The following UBE2G1 variants were observed in gnomAD, a reference collection of about 807,000 sequenced individuals.
The protein encoded by UBE2G1 is ubiquitin-conjugating enzyme E2 G1.
In UBE2G1, 5 loss-of-function variants were observed where a neutral mutation model predicts 22.7. The ratio of observed to expected loss-of-function variants is 0.22; its 90% CI spans 0.12 to 0.46. The LOEUF is 0.46. Ranked by LOEUF, UBE2G1 falls within the 20% of genes least tolerant of loss-of-function variation. The pLI, the probability that UBE2G1 is intolerant of heterozygous loss-of-function variation, is 0.99. For synonymous variants in UBE2G1, 74 were observed against 67.5 expected (o/e 1.10, Z -0.47); for missense variants, 88 against 203.9 (o/e 0.43, Z 3.46).
At chr17:4,360,794 C>T (rs1969957595) in intron 1 of UBE2G1, among the ~76,000 whole-genome samples, 1 of 152,126 alleles carries the variant, frequency 6.6e-6, no homozygotes, top group African/African-American at 2.4e-5. Context: ...GCCTGTAATC[C>T]CAGCTACTGG....
intron 1 of UBE2G1, among the ~76,000 whole-genome samples, chr17:4,351,337 A>G (rs1969842862): frequency 6.6e-6 from 1 of 152,242 alleles, no homozygotes; most frequent in Non-Finnish European, 1.5e-5. Context: ...CTTCCCCAAT[A>G]GCCATGCCAT....
intron 1 of UBE2G1, among the ~76,000 whole-genome samples, chr17:4,314,514 A>G (rs1969345300): frequency 6.6e-6 from 1 of 152,256 alleles, no homozygotes; most frequent in Admixed American, 6.5e-5. Context: ...TTAAAAAGCA[A>G]AAGAATCAAC....
intron 1 of UBE2G1, among the ~76,000 whole-genome samples, chr17:4,350,611 T>C (rs532034399): frequency 6.6e-6 from 1 of 152,322 alleles, no homozygotes; most frequent in East Asian, 1.9e-4. Flanking sequence ...ACCCAGCAAC[T>C]TAGACGTAAT....
chr17:4,364,888 C>CT (rs1250968013), intron 1 of UBE2G1, among the ~76,000 whole-genome samples: 1 of 152,220 alleles, frequency 6.6e-6, no homozygotes, highest in Non-Finnish European at 1.5e-5. Context: ...GGCCTCAGTG[C>CT]TTTTCCAGCA....
At chr17:4,355,024 G>A (rs545007315) in intron 1 of UBE2G1, among the ~76,000 whole-genome samples, 1 of 152,108 alleles carries the variant, frequency 6.6e-6, no homozygotes, top group South Asian at 2.1e-4. Flanking sequence ...CCGAGGAAGT[G>A]GAGGGTGCAG....
intron 1 of UBE2G1, among the ~76,000 whole-genome samples, chr17:4,309,020 G>T (rs1397753327): frequency 6.6e-6 from 1 of 152,206 alleles, no homozygotes; most frequent in Non-Finnish European, 1.5e-5. Context: ...ACGCTTTCAG[G>T]AAGCCAAGAT....
chr17:4,334,908 T>C (rs922871300), intron 1 of UBE2G1, among the ~76,000 whole-genome samples: 1 of 151,982 alleles, frequency 6.6e-6, no homozygotes, highest in Non-Finnish European at 1.5e-5. Context: ...CAGACATAAA[T>C]ATATAAAATT....
intron 4 of UBE2G1, among the ~76,000 whole-genome samples, chr17:4,287,922 T>C (rs1968986748): frequency 6.6e-6 from 1 of 150,876 alleles, no homozygotes; most frequent in Admixed American, 6.6e-5. Context: ...TAAAGAATAC[T>C]GGACAATCCA....
chr17:4,322,748 C>T (rs761162812), intron 1 of UBE2G1, among the ~76,000 whole-genome samples: 8 of 152,006 alleles, frequency 5.3e-5, no homozygotes, highest in Non-Finnish European at 1.0e-4. Flanking sequence ...TAAGTATATC[C>T]CCTGTATCAC....
At chr17:4,347,469 C>CT (rs34014821) in intron 1 of UBE2G1, among the ~76,000 whole-genome samples, 1,245 of 89,412 alleles carry the variant, frequency 0.014, 41 homozygotes, top group East Asian at 0.05. Flanking sequence ...AGTATTTCTT[C>CT]TTTTTTTTTT....
At chr17:4,318,455 G>T (rs190447960) in intron 1 of UBE2G1, among the ~76,000 whole-genome samples, 1 of 152,088 alleles carries the variant, frequency 6.6e-6, no homozygotes, top group Non-Finnish European at 1.5e-5. Flanking sequence ...GCCAATAGCC[G>T]CAATTCAAGT....
intron 1 of UBE2G1, among the ~76,000 whole-genome samples, chr17:4,342,130 GCTGC>G (rs1352171995): frequency 6.6e-6 from 1 of 152,174 alleles, no homozygotes; most frequent in African/African-American, 2.4e-5. Flanking sequence ...AATATAGTAA[GCTGC>G]CTATGTGACT....
chr17:4,327,862 G>A (rs1462760940), intron 1 of UBE2G1, among the ~76,000 whole-genome samples: 1 of 152,104 alleles, frequency 6.6e-6, no homozygotes, highest in Non-Finnish European at 1.5e-5. Flanking sequence ...ACAGTACTCA[G>A]CAGCCACACC....
At chr17:4,291,458 A>G (rs529809829) in intron 3 of UBE2G1, among the ~76,000 whole-genome samples, 1 of 151,886 alleles carries the variant, frequency 6.6e-6, no homozygotes, top group South Asian at 2.1e-4. Context: ...TGTTTTCTGT[A>G]CTTACTGTGT....
chr17:4,279,627 AGGCCAGGTGCGGT>A (rs1567513587), intron 5 of UBE2G1, among the ~76,000 whole-genome samples: 1 of 151,768 alleles, frequency 6.6e-6, no homozygotes, highest in Non-Finnish European at 1.5e-5. Flanking sequence ...TAAGAACCTC[AGGCCAGGTGCGGT>A]GGCTCATGCC....
rs544143857 is a variant in UBE2G1, at chr17:4,356,709, A to G, written c.46+9562T>C. ...ACAGCAAGACTTTGTCTCAAAAATAATAACAAAAAAATAAAATTAAGACGG... is the reference window on the plus strand; with the variant it reads ...ACAGCAAGACTTTGTCTCAAAAATAGTAACAAAAAAATAAAATTAAGACGG... On this transcript the variant is annotated intron_variant, in intron 1 of 5. Coordinates refer to ENST00000396981, the MANE Select transcript of UBE2G1 (RefSeq NM_003342.5). Among the ~76,000 whole-genome samples, 349 of 152,370 alleles carry G rather than the reference A, an allele frequency of 2.3e-3. 1 individual carries two copies. The highest frequency in any genetic ancestry group is 7.8e-3 in the African/African-American group (323 of 41,588).
intron 1 of UBE2G1, among the ~76,000 whole-genome samples, chr17:4,325,652 T>G (rs62064453): frequency 0.027 from 4,107 of 152,222 alleles, 82 homozygotes; most frequent in Non-Finnish European, 0.043. Context: ...ACACCCCAAA[T>G]TGCCGAAACA....
chr17:4,343,359 A>C (rs1332896431), intron 1 of UBE2G1, among the ~76,000 whole-genome samples: 1 of 152,058 alleles, frequency 6.6e-6, no homozygotes, highest in Admixed American at 6.6e-5. Context: ...TGGGAGGCCC[A>C]GGTGGGTGGG....
chr17:4,363,950 CAAAAAAAAAAAAA>C (rs1195720643), intron 1 of UBE2G1, among the ~76,000 whole-genome samples: 635 of 43,900 alleles, frequency 0.014, 9 homozygotes, highest in Non-Finnish European at 0.017. Context: ...GACTCCGTCT[CAAAAAAAAAAAAA>C]AAAAAAAAAA....
Sources: allele counts gnomAD v4.1 joint callset (sites outside exome capture counted in the v4.1 genomes callset), GRCh38; gene constraint gnomAD v4.1.1; transcripts MANE v1.5; gene names NCBI Gene and HGNC (gene_info 2026-07-23, HGNC 2026-07-21).